The following FAAP100 variants were observed in gnomAD, a reference collection of about 807,000 sequenced individuals.
FAAP100 encodes FA core complex associated protein 100, also known as Fanconi anemia core complex-associated protein 100.
In FAAP100, 46 loss-of-function variants were observed where a neutral mutation model predicts 65.8. The observed-to-expected ratio is 0.70, with a 90% CI of 0.55 to 0.89. FAAP100 has a LOEUF of 0.89. Among genes scored for constraint, FAAP100 ranks in the 40% least tolerant of loss-of-function variants. The pLI, the probability that FAAP100 is intolerant of heterozygous loss-of-function variation, is 0.00. For synonymous variants in FAAP100, 663 were observed against 555.1 expected, an observed-to-expected ratio of 1.19 and a Z score of -2.73; for missense variants, 1,165 against 1,196.7, an observed-to-expected ratio of 0.97 and a Z score of 0.39.
At chr17:81,546,633 C>T (rs1044803489) in intron 5 of FAAP100, 11 of 371,222 alleles carry the variant, frequency 3.0e-5, no homozygotes, top group Admixed American at 4.5e-5. Flanking sequence ...GAGCAGAGCT[C>T]GCTGGGCTGG....
At chr17:81,542,206 T>A (rs1244566109) in intron 7 of FAAP100, among the ~76,000 whole-genome samples, 52 of 11,710 alleles carry the variant, frequency 4.4e-3, no homozygotes, top group Non-Finnish European at 5.6e-3. Context: ...AAAAAATATA[T>A]ATATATATAT....
At chr17:81,544,212 A>T in intron 6 of FAAP100, 92 bp from the exon 7 acceptor site, 1 of 1,042,652 alleles carries the variant, frequency 9.6e-7, no homozygotes, top group Non-Finnish European at 1.5e-6. Context: ...AGCTGGCAGC[A>T]CGTGAGGCCC....
In FAAP100 at chr17:81,545,742, T is replaced by C; in HGVS notation, c.2310+4A>G. The C allele has an allele frequency of 6.2e-7, 1 of 1,609,900 alleles. No homozygotes were observed. The highest frequency in any genetic ancestry group is 1.1e-5 in the South Asian group (1 of 90,760). ...GTGGCTCGTTTCCCTGAACCCCTGC[T>C]TGCCTCTCGGACGATGAGGTGAACG... On this transcript the variant is annotated splice_donor_region_variant and intron_variant, in intron 6 of 8. Transcript: ENST00000327787.
intron 7 of FAAP100, 55 bp from the exon 8 acceptor site, chr17:81,541,450 A>AC: frequency 6.8e-7 from 1 of 1,475,892 alleles, no homozygotes; most frequent in Non-Finnish European, 9.3e-7. Flanking sequence ...CTGCCCCCAC[A>AC]CCCCTTGGAG....
chr17:81,542,207 ATATATATATATATATATATATATAT>A lies in FAAP100; in HGVS notation c.2428-837_2428-813del, dbSNP rs1271262792. ...AAAAAAAAAAAAAAAAAAAATATAT[ATATATATATATATATATATATATAT>A]ATGAAATCAGCCAGGCGTGGTGACA... On this transcript the variant is annotated intron_variant, in intron 7 of 8. Coordinates refer to ENST00000327787, the MANE Select transcript of FAAP100 (RefSeq NM_025161.6). 1.9e-3 allele frequency among the ~76,000 whole-genome samples: 22 copies of A among 11,754 alleles called. No individual in the cohort carries two copies. The East Asian group carries it at 0.051, about 27-fold the overall frequency. 7.7% of individuals were successfully genotyped at this position (11,754 alleles called of 152,430 possible).
intron 2 of FAAP100, 33 bp downstream of exon 2, chr17:81,551,893 AGT>A (rs2033507872): frequency 6.6e-7 from 1 of 1,522,168 alleles, no homozygotes; most frequent in Non-Finnish European, 8.7e-7. Flanking sequence ...GGGCAGCAGG[AGT>A]GTGCGGGAGG....
chr17:81,547,299 G>T lies in FAAP100; in HGVS notation c.1783C>A (p.Pro595Thr). The change falls in exon 5 of 9, where the codon CCC (proline) becomes ACC (threonine). Residue 595 changes from proline to threonine, a missense_variant. Transcript: ENST00000327787. ...GPGENGGLDL[P>T]VTVSCTLFYS... ...AACAGCGTGCAGGACACGGTCACGG[G>T]CAGGTCGAGCCCGCCGTTCTCACCA... 6.2e-7 allele frequency: 1 copy of T among 1,612,112 alleles called. No individual in the cohort carries two copies. The highest frequency in any genetic ancestry group is 1.3e-5 in the African/African-American group (1 of 75,042).
chr17:81,541,960 G>A (rs1381693748), intron 7 of FAAP100, among the ~76,000 whole-genome samples: 1 of 151,926 alleles, frequency 6.6e-6, no homozygotes, highest in Admixed American at 6.6e-5. Context: ...AAGGTCAGGA[G>A]ATCGAGACCA....
At position 81,547,591 on chromosome 17, in the gene FAAP100, C is replaced by G. The variant is rs1458891364; in HGVS notation, c.1491G>C (p.Leu497=). 8.1e-6 allele frequency: 13 copies of G among 1,613,528 alleles called. No individual in the cohort carries two copies. The East Asian group carries it at 2.9e-4, about 36-fold the overall frequency. The change falls in exon 5 of 9, where the codon CTG becomes CTC. Residue 497 remains leucine (L), a synonymous_variant. Coordinates refer to ENST00000327787, the MANE Select transcript of FAAP100 (RefSeq NM_025161.6). ...TGGGTCTGGGGCCCGTGCCGCTTGA[C>G]AGCAGTGCACAGCTCACGTTCATGG... The part of the protein sequence containing the change: ...NEAMNVSCAL[L]SSGTGPRPIS...
At position 81,545,830 on chromosome 17, in the gene FAAP100, A is replaced by G. The variant is rs772085933; in HGVS notation, c.2226T>C (p.Ala742=). Residue 742 remains alanine (A), a synonymous_variant, in exon 6 of 9, where the codon GCT becomes GCC. Transcript: ENST00000327787. ...TLQWLLAENA[A]VDVVRARALS... ...GTGCTCGGGCCCTCACGACGTCCAC[A>G]GCAGCATTCTCAGCAAGGAGCCACT... 26 of 1,611,452 alleles carry G rather than the reference A, an allele frequency of 1.6e-5. No individual in the cohort carries two copies. Among genetic ancestry groups the G allele is most frequent in the Admixed American group, 3.3e-5 (2 of 59,980 alleles).
intron 4 of FAAP100, among the ~76,000 whole-genome samples, 147 bp downstream of exon 4, chr17:81,549,041 GAAAAAAAAAAAAAAAAAA>G (rs1163263115): frequency 8.1e-4 from 54 of 66,306 alleles, no homozygotes; most frequent in African/African-American, 2.7e-3. Flanking sequence ...CTCCGTCTCA[GAAAAAAAAAAAAAAAAAA>G]AAAAAAAAAA....
Position 81,543,996 on chromosome 17 carries a change from C to T in FAAP100, c.2427+8G>A, listed in dbSNP as rs149118751. The T allele has an allele frequency of 1.3e-3, 2,025 of 1,606,560 alleles. 30 individuals are homozygous for T. In the African/African-American group the frequency reaches 0.024, roughly 19 times the overall value. The stretch of plus-strand genomic sequence containing the variant: ...ATCCTGGCCACCTTCCCCAGCGGGC[C>T]GACATACCTGCATGCGCCCGACAAC... On this transcript the variant is annotated splice_region_variant and intron_variant, in intron 7 of 8. Coordinates refer to ENST00000327787, the MANE Select transcript of FAAP100 (RefSeq NM_025161.6).
At chr17:81,551,830 G>A (rs1304497139) in intron 2 of FAAP100, 98 bp downstream of exon 2, 1 of 1,395,246 alleles carries the variant, frequency 7.2e-7, no homozygotes, top group Non-Finnish European at 9.2e-7. Flanking sequence ...GCTGGCGGCA[G>A]CCCGGGTCCC....
Position 81,549,237 on chromosome 17 carries a change from G to A in FAAP100, c.1372C>T (p.Leu458=), listed in dbSNP as rs775178494. Residue 458 remains leucine, a synonymous_variant, in exon 4 of 9, where the codon CTG becomes TTG. Transcript: ENST00000327787. ...GAGATGTTGCCAATTCCAGACAGCA[G>A]CTCCTTTATTTTCTGACCTGCACTC... The part of the protein sequence containing the change: ...TESAGQKIKE[L]LSGIGNISER... The A allele has an allele frequency of 1.2e-6, 2 of 1,612,908 alleles. No homozygotes were observed. Among genetic ancestry groups the A allele is most frequent in the South Asian group, 2.2e-5 (2 of 91,074 alleles).
intron 4 of FAAP100, 48 bp downstream of exon 4, chr17:81,549,158 C>G (rs776158998): frequency 1.9e-6 from 3 of 1,600,444 alleles, no homozygotes; most frequent in Non-Finnish European, 2.5e-6. Context: ...CGCTACCTCC[C>G]AAGGATGGCA....
At position 81,550,408 on chromosome 17, in the gene FAAP100, G is replaced by A. The variant is rs1244339618; in HGVS notation, c.1086C>T (p.Thr362=). 12 of 1,612,554 alleles carry A rather than the reference G, an allele frequency of 7.4e-6. No individual in the cohort carries two copies. The highest frequency in any genetic ancestry group is 1.0e-5 in the Non-Finnish European group (12 of 1,179,998). The change falls in exon 3 of 9, where the codon ACC becomes ACT. Residue 362 remains threonine, a synonymous_variant. Transcript: ENST00000327787. ...CGGGGRVYHS[T]PSDLCVVDLS... ...GATCCACCACACAGAGGTCAGAAGG[G>A]GTGCTGTGGTACACGCGGCCACCCC...
intron 6 of FAAP100, among the ~76,000 whole-genome samples, chr17:81,545,207 G>A (rs1335600432): frequency 6.6e-6 from 1 of 152,238 alleles, no homozygotes; most frequent in African/African-American, 2.4e-5. Flanking sequence ...TGAGCCCCAG[G>A]CAGCCTTGCC....
intron 5 of FAAP100, 43 bp downstream of exon 5, chr17:81,546,866 A>AAG (rs1555674007): frequency 2.5e-4 from 330 of 1,341,844 alleles, no homozygotes; most frequent in South Asian, 3.1e-4. Context: ...AAAAAAAAAA[A>AAG]AAAAATCCCC....
In FAAP100 at chr17:81,552,174, G is replaced by A; in HGVS notation, c.157C>T (p.Leu53=). ...CGCGGGCCGGCGCTCACGGTCAGCA[G>A]CCCGCCCTCCTGGTCGTACACGTAG... ...LVYVYDQEGG[L]LTAAFRFPDQ... Residue 53 remains leucine (L), a synonymous_variant, in exon 1 of 9, where the codon CTG becomes TTG. Transcript: ENST00000327787. The A allele has an allele frequency of 6.7e-7, 1 of 1,495,644 alleles. No individual in the cohort carries two copies. Among genetic ancestry groups the A allele is most frequent in the Non-Finnish European group, 8.9e-7 (1 of 1,129,540 alleles). 92.6% of individuals were successfully genotyped at this position (1,495,644 alleles called of 1,614,324 possible).
Sources: allele counts gnomAD v4.1 joint callset (sites outside exome capture counted in the v4.1 genomes callset), GRCh38; gene constraint gnomAD v4.1.1; transcripts MANE v1.5; gene names NCBI Gene and HGNC (gene_info 2026-07-23, HGNC 2026-07-21).